The following MDGA2 variants were observed in gnomAD, a reference collection of about 807,000 sequenced individuals.
MDGA2 encodes MAM domain-containing glycosylphosphatidylinositol anchor protein 2.
In MDGA2, 40 loss-of-function variants were observed where a neutral mutation model predicts 117.8. The observed-to-expected ratio is 0.34, with a 90% confidence interval of 0.26 to 0.44. The LOEUF (loss-of-function observed/expected upper bound fraction) is 0.44, where lower values mean the gene tolerates loss of function less well. Ranked by LOEUF, MDGA2 falls within the 20% of genes least tolerant of loss-of-function variation. MDGA2 has a pLI of 1.00. For synonymous variants in MDGA2, 452 were observed against 439.0 expected (o/e 1.03, Z -0.37); for missense variants, 1,123 against 1,250.6 (o/e 0.90, Z 1.54).
intron 1 of MDGA2, among the ~76,000 whole-genome samples, chr14:47,507,228 T>A (rs548428763): frequency 1.3e-5 from 2 of 152,220 alleles, no homozygotes; most frequent in African/African-American, 4.8e-5. Flanking sequence ...CCAGCTGCCA[T>A]AGGAACCTAG....
chr14:47,617,056 T>C (rs1164253184), intron 1 of MDGA2, among the ~76,000 whole-genome samples: 4 of 152,158 alleles, frequency 2.6e-5, no homozygotes, highest in Non-Finnish European at 5.9e-5. Flanking sequence ...GCACCACTGT[T>C]GGTATGATCT....
chr14:47,252,436 C>A (rs563066944), intron 2 of MDGA2, among the ~76,000 whole-genome samples: 1 of 152,098 alleles, frequency 6.6e-6, no homozygotes, highest in African/African-American at 2.4e-5. Context: ...AATTTAATCA[C>A]AACTTTGCAT....
At chr14:47,456,647 G>A (rs902192310) in intron 1 of MDGA2, among the ~76,000 whole-genome samples, 1 of 152,064 alleles carries the variant, frequency 6.6e-6, no homozygotes, top group East Asian at 1.9e-4. Context: ...GAAACTATAA[G>A]ATAGTGGACA....
chr14:47,248,624 T>C (rs1009132072), intron 2 of MDGA2, among the ~76,000 whole-genome samples: 5 of 146,160 alleles, frequency 3.4e-5, no homozygotes, highest in Non-Finnish European at 7.9e-5. Context: ...GCAAACTATA[T>C]TGTCTGGGTT....
chr14:47,093,015 T>C (rs1477980189), intron 6 of MDGA2, among the ~76,000 whole-genome samples: 1 of 152,048 alleles, frequency 6.6e-6, no homozygotes, highest in Non-Finnish European at 1.5e-5. Flanking sequence ...GGAAGCTTTA[T>C]ATAGAGAAGA....
At chr14:47,299,879 C>T (rs1480114816) in intron 2 of MDGA2, among the ~76,000 whole-genome samples, 1 of 152,138 alleles carries the variant, frequency 6.6e-6, no homozygotes, top group East Asian at 1.9e-4. Context: ...AAATGTTATA[C>T]TTTGAAATTT....
intron 5 of MDGA2, among the ~76,000 whole-genome samples, chr14:47,102,883 G>A (rs1213508309): frequency 2.0e-5 from 3 of 152,180 alleles, no homozygotes; most frequent in Admixed American, 2.0e-4. Flanking sequence ...TCCAGGCCAG[G>A]ACAGGAGGAA....
At chr14:47,170,637 T>C (rs1483142906) in intron 3 of MDGA2, among the ~76,000 whole-genome samples, 2 of 152,190 alleles carry the variant, frequency 1.3e-5, no homozygotes, top group Non-Finnish European at 2.9e-5. Flanking sequence ...GAAACAGCTC[T>C]ATATATTTAA....
chr14:47,618,237 A>G (rs552908288), intron 1 of MDGA2, among the ~76,000 whole-genome samples: 8 of 152,352 alleles, frequency 5.3e-5, no homozygotes, highest in African/African-American at 1.9e-4. Flanking sequence ...CTTAAATATC[A>G]TTCCGATGCC....
chr14:46,874,382 AAG>A (rs1399553780), intron 12 of MDGA2, among the ~76,000 whole-genome samples, 182 bp from the exon 13 acceptor site: 7 of 151,930 alleles, frequency 4.6e-5, no homozygotes, highest in African/African-American at 1.7e-4. Flanking sequence ...TTTAATGAAA[AAG>A]TAAAAGAATT....
At chr14:47,260,147 G>C (rs1348571604) in intron 2 of MDGA2, among the ~76,000 whole-genome samples, 1 of 151,994 alleles carries the variant, frequency 6.6e-6, no homozygotes, top group Non-Finnish European at 1.5e-5. Flanking sequence ...CAAAATATAA[G>C]AATATGTGAA....
intron 8 of MDGA2, among the ~76,000 whole-genome samples, chr14:46,964,021 G>C (rs115649859): frequency 5.2e-4 from 79 of 152,316 alleles, no homozygotes; most frequent in African/African-American, 1.7e-3. Flanking sequence ...CAGAGCAGAA[G>C]TGATGCTGTG....
chr14:47,585,872 C>T (rs929130070), intron 1 of MDGA2, among the ~76,000 whole-genome samples: 1 of 151,818 alleles, frequency 6.6e-6, no homozygotes, highest in African/African-American at 2.4e-5. Flanking sequence ...TCAATCTTAG[C>T]AAAACAAGAG....
intron 2 of MDGA2, among the ~76,000 whole-genome samples, chr14:47,260,643 T>C (rs1594758675): frequency 6.6e-6 from 1 of 152,142 alleles, no homozygotes; most frequent in East Asian, 1.9e-4. Context: ...AAAAATACAA[T>C]TTTTGTCTAT....
At chr14:47,140,514 T>C (rs1882672202) in intron 4 of MDGA2, among the ~76,000 whole-genome samples, 1 of 151,964 alleles carries the variant, frequency 6.6e-6, no homozygotes, top group South Asian at 2.1e-4. Flanking sequence ...AGACAGCACA[T>C]AACCAAATCA....
intron 9 of MDGA2, among the ~76,000 whole-genome samples, chr14:46,942,032 T>C (rs1180977911): frequency 6.6e-6 from 1 of 152,206 alleles, no homozygotes; most frequent in Non-Finnish European, 1.5e-5. Flanking sequence ...ATTTAACTTT[T>C]ATATATGACT....
At chr14:47,668,163 C>T (rs972478404) in intron 1 of MDGA2, among the ~76,000 whole-genome samples, 3 of 152,126 alleles carry the variant, frequency 2.0e-5, no homozygotes, top group Admixed American at 2.0e-4. Flanking sequence ...GGAAAAGAAA[C>T]AGTTTTTAAA....
intron 1 of MDGA2, among the ~76,000 whole-genome samples, chr14:47,531,656 A>G (rs1895104072): frequency 6.6e-6 from 1 of 152,216 alleles, no homozygotes; most frequent in African/African-American, 2.4e-5. Context: ...CACTAAACTA[A>G]GCAGTATTCT....
intron 2 of MDGA2, among the ~76,000 whole-genome samples, chr14:47,273,055 T>C (rs1888199058): frequency 6.6e-6 from 1 of 152,088 alleles, no homozygotes; most frequent in African/African-American, 2.4e-5. Context: ...GTTGGATCTC[T>C]TGACCCCCTT....
Sources: gnomAD v4.1 joint callset for allele counts (sites outside exome capture counted in the v4.1 genomes callset) on GRCh38, gnomAD v4.1.1 for gene constraint, MANE v1.5 for transcripts, NCBI Gene and HGNC (gene_info 2026-07-23, HGNC 2026-07-21) for gene names.